TMEM131L: variants seen among roughly 807,000 people sequenced by gnomAD.
TMEM131L encodes the protein transmembrane protein 131-like.
TMEM131L carries 54 observed loss-of-function variants against 192.2 expected under a neutral mutation model. The observed-to-expected ratio is 0.28, with a 90% CI of 0.23 to 0.35. The LOEUF (loss-of-function observed/expected upper bound fraction) is 0.35, where lower values mean the gene tolerates loss of function less well. TMEM131L is among the 10% of genes least tolerant of loss of function. TMEM131L has a pLI of 1.00. For missense variants in TMEM131L, 1,888 were observed against 1,972.9 expected (o/e 0.96, Z 0.82); for synonymous variants, 701 against 704.9 (o/e 0.99, Z 0.09).
chr4:153,504,767 C>T (rs1489630501), intron 3 of TMEM131L, among the ~76,000 whole-genome samples: 6 of 152,156 alleles, frequency 3.9e-5, no homozygotes, highest in Admixed American at 6.5e-5. Context: ...TTCCCATAAA[C>T]GAATGAAACT....
At chr4:153,472,653 T>C (rs560729403) in intron 2 of TMEM131L, among the ~76,000 whole-genome samples, 1 of 152,198 alleles carries the variant, frequency 6.6e-6, no homozygotes, top group Admixed American at 6.5e-5. Flanking sequence ...AGGGCATACA[T>C]GTTGTGTGGT....
At chr4:153,540,509 T>C (rs949592449) in intron 3 of TMEM131L, among the ~76,000 whole-genome samples, 1 of 152,202 alleles carries the variant, frequency 6.6e-6, no homozygotes, top group African/African-American at 2.4e-5. Flanking sequence ...ATGTGTTATG[T>C]ATTGTAGGAG....
intron 3 of TMEM131L, among the ~76,000 whole-genome samples, chr4:153,547,915 C>T (rs889282682): frequency 2.0e-5 from 3 of 152,246 alleles, no homozygotes; most frequent in Non-Finnish European, 4.4e-5. Context: ...ATGGCAAATT[C>T]ACTTTTCAGT....
chr4:153,581,543 A>G lies in TMEM131L; in HGVS notation c.875A>G (p.Asp292Gly), dbSNP rs150068649. The G allele has an allele frequency of 2.6e-6, 4 of 1,567,472 alleles. No individual in the cohort carries two copies. The highest frequency in any genetic ancestry group is 3.5e-6 in the Non-Finnish European group (4 of 1,155,316). Reference sequence around the variant, plus strand: ...CTCTCTATTGTTTACGTAGCTACAGATGAATCTGAGACCTCAGGTAAGGTG... The same window carrying G: ...CTCTCTATTGTTTACGTAGCTACAGGTGAATCTGAGACCTCAGGTAAGGTG... ...DHLSIVYVAT[D>G]ESETSDDSAV... is the part of the protein sequence containing the mutation. Residue 292 changes from aspartate to glycine, a missense_variant, in exon 9 of 35, where the codon GAT (aspartate) becomes GGT (glycine). Coordinates refer to ENST00000409959, the MANE Select transcript of TMEM131L (RefSeq NM_001131007.2).
chr4:153,478,359 C>T (rs1177149281), intron 3 of TMEM131L, among the ~76,000 whole-genome samples: 2 of 152,166 alleles, frequency 1.3e-5, no homozygotes, highest in Non-Finnish European at 2.9e-5. Context: ...TTTGTAACTT[C>T]CCCAAAACCC....
chr4:153,510,047 G>T (rs1314673335), intron 3 of TMEM131L, among the ~76,000 whole-genome samples: 1 of 152,172 alleles, frequency 6.6e-6, no homozygotes, highest in Non-Finnish European at 1.5e-5. Context: ...AAAGTGTATA[G>T]AAGCACTTGT....
rs770349403 is a variant in TMEM131L, at chr4:153,558,246, C to CT, written c.550-7dup. On this transcript the variant is annotated splice_polypyrimidine_tract_variant and intron_variant, in intron 6 of 34. Coordinates refer to ENST00000409959, the MANE Select transcript of TMEM131L (RefSeq NM_001131007.2). ...TCTTAACAGAGGAGCAATTCTCTCT[C>CT]TTTTTCCGCAGGTATCTGGAATTGG... 7.6e-6 allele frequency: 11 copies of CT among 1,438,918 alleles called. No individual in the cohort carries two copies. Among genetic ancestry groups the CT allele is most frequent in the Admixed American group, 1.7e-5 (1 of 58,306 alleles). The allele number at this position is 1,438,918 out of a possible 1,614,324, so 89.1% of individuals were successfully genotyped here. A position where few individuals can be genotyped will look rare whatever the true frequency, so the allele number is the denominator to read the frequency against.
In TMEM131L at chr4:153,620,774, A is replaced by T; in HGVS notation, c.3586A>T (p.Lys1196Ter). Residue 1196 changes from lysine to a stop codon, truncating the protein, a stop_gained, in exon 27 of 35, where the codon AAG becomes TAG. Coordinates refer to ENST00000409959, the MANE Select transcript of TMEM131L (RefSeq NM_001131007.2). LOFTEE classifies it high-confidence loss of function. Reference protein sequence around the residue: ...PFVEQEDPYRKKKLQEKREGN... With the variant: ...PFVEQEDPYR The stretch of plus-strand genomic sequence containing the variant: ...TCTTTAGCAAGAAGATCCTTATAGG[A>T]AGAAAAAGCTTCAGGAGAAAAGAGA... 2 of 1,545,040 alleles carry T rather than the reference A, an allele frequency of 1.3e-6. No homozygotes were observed. The highest frequency in any genetic ancestry group is 8.9e-7 in the Non-Finnish European group (1 of 1,129,472).
intron 6 of TMEM131L, among the ~76,000 whole-genome samples, chr4:153,557,537 T>C (rs977359622): frequency 1.3e-5 from 2 of 152,204 alleles, no homozygotes; most frequent in African/African-American, 4.8e-5. Flanking sequence ...AGCTCACTAT[T>C]CATATCAAGG....
intron 25 of TMEM131L, 76 bp from the exon 26 acceptor site, chr4:153,612,176 T>G: frequency 9.5e-7 from 1 of 1,052,590 alleles, no homozygotes; most frequent in Non-Finnish European, 1.3e-6. Flanking sequence ...AAATTAGATG[T>G]TTGGTGTAGG....
intron 3 of TMEM131L, among the ~76,000 whole-genome samples, chr4:153,541,834 A>C (rs1460352663): frequency 5.9e-5 from 9 of 152,376 alleles, no homozygotes; most frequent in African/African-American, 1.9e-4. Context: ...GACTGCTGAG[A>C]ACCCCACCCC....
rs1261895449 is a variant in TMEM131L, at chr4:153,498,600, C to T, written c.239+24712C>T. On this transcript the variant is annotated intron_variant, in intron 3 of 34. Coordinates refer to ENST00000409959, the MANE Select transcript of TMEM131L (RefSeq NM_001131007.2). ...GGTGAGCAGAGTTCTTTCAAGCTCT[C>T]TCTTCACAAGATGCAAATGTTTTTC... Among the ~76,000 whole-genome samples the T allele has an allele frequency of 2.6e-5, 4 of 152,294 alleles. No individual in the cohort carries two copies. The South Asian group carries it at 8.3e-4, about 32-fold the overall frequency.
chr4:153,551,727 T>C (rs544337530), intron 4 of TMEM131L, among the ~76,000 whole-genome samples: 1 of 152,120 alleles, frequency 6.6e-6, no homozygotes, highest in African/African-American at 2.4e-5. Flanking sequence ...AAGAGAAAAC[T>C]GGGAGTTTGC....
chr4:153,512,133 G>C (rs995456536), intron 3 of TMEM131L, among the ~76,000 whole-genome samples: 1 of 152,144 alleles, frequency 6.6e-6, no homozygotes, highest in Non-Finnish European at 1.5e-5. Context: ...AATGGATATC[G>C]GTTGTGGGGA....
intron 3 of TMEM131L, among the ~76,000 whole-genome samples, chr4:153,527,336 G>T (rs1366110902): frequency 6.6e-6 from 1 of 152,038 alleles, no homozygotes; most frequent in African/African-American, 2.4e-5. Flanking sequence ...GCAGTGGTAC[G>T]ATCTCAGCTC....
chr4:153,603,918 C>T lies in TMEM131L; in HGVS notation c.2906C>T (p.Pro969Leu), dbSNP rs768780271. Residue 969 changes from proline (P) to leucine (L), a missense_variant, in exon 25 of 35, where the codon CCA (proline) becomes CTA (leucine). Transcript: ENST00000409959. ...SRIQNAAKRS[P>L]ATYGHSQKKH... ...ATCCAGAATGCTGCAAAGAGGAGCC[C>T]AGCCACCTATGGTCATTCTCAGAAG... The T allele has an allele frequency of 1.2e-6, 2 of 1,614,074 alleles. No homozygotes were observed. The highest frequency in any genetic ancestry group is 1.7e-6 in the Non-Finnish European group (2 of 1,179,990).
chr4:153,602,805 C>A, intron 23 of TMEM131L, 78 bp downstream of exon 23: 1 of 1,268,844 alleles, frequency 7.9e-7, no homozygotes, highest in Non-Finnish European at 1.1e-6. Flanking sequence ...ACGTGAACTG[C>A]CCGAGTGTAG....
At chr4:153,623,264 A>G (rs781319518) in intron 29 of TMEM131L, among the ~76,000 whole-genome samples, 181 bp downstream of exon 29, 4 of 151,324 alleles carry the variant, frequency 2.6e-5, no homozygotes, top group Non-Finnish European at 4.4e-5. Flanking sequence ...CTTCCCCTCC[A>G]TCCTTGTCAT....
chr4:153,471,218 C>T (rs932981868), intron 2 of TMEM131L, among the ~76,000 whole-genome samples: 5 of 152,146 alleles, frequency 3.3e-5, no homozygotes, highest in African/African-American at 9.7e-5. Context: ...GAACTCCTGA[C>T]CTTGTGATCT....
Sources: gnomAD v4.1 joint callset for allele counts (sites outside exome capture counted in the v4.1 genomes callset) on GRCh38, gnomAD v4.1.1 for gene constraint, MANE v1.5 for transcripts, NCBI Gene and HGNC (gene_info 2026-07-23, HGNC 2026-07-21) for gene names.